The following FGD5 variants were observed in gnomAD, a reference collection of about 807,000 sequenced individuals.
The protein encoded by FGD5 is FYVE, RhoGEF and PH domain-containing protein 5.
FGD5 carries 28 observed loss-of-function variants against 133.4 expected under a neutral mutation model. The observed-to-expected ratio is 0.21, with a 90% CI of 0.16 to 0.29. The LOEUF (loss-of-function observed/expected upper bound fraction) is 0.29, where lower values mean the gene tolerates loss of function less well. Among genes scored for constraint, FGD5 ranks in the 10% least tolerant of loss-of-function variants. FGD5 has a pLI of 1.00. For synonymous variants in FGD5, 810 were observed against 776.5 expected (o/e 1.04, Z -0.72); for missense variants, 1,858 against 1,895.2 (o/e 0.98, Z 0.36).
Position 14,880,789 on chromosome 3 carries a change from A to C in FGD5, c.2748+17A>C. On this transcript the variant is annotated intron_variant, in intron 4 of 19. Coordinates refer to ENST00000285046, the MANE Select transcript of FGD5 (RefSeq NM_152536.4). ...TTAAATCTGGTGAGTTAATCATTTTAATTGTCCAAAACTAATTGCCCTTTT... is the reference window on the plus strand; with the variant it reads ...TTAAATCTGGTGAGTTAATCATTTTCATTGTCCAAAACTAATTGCCCTTTT... The C allele has an allele frequency of 4.3e-6, 7 of 1,612,658 alleles. No individual in the cohort carries two copies. The highest frequency in any genetic ancestry group is 5.1e-6 in the Non-Finnish European group (6 of 1,179,328).
chr3:14,815,083 T>G (rs1403491855), upstream of FGD5, among the ~76,000 whole-genome samples: 1 of 152,190 alleles, frequency 6.6e-6, no homozygotes, highest in Non-Finnish European at 1.5e-5. Context: ...TTTCAACACA[T>G]TAGCCAGAAT....
rs146805269 is a variant in FGD5, at chr3:14,896,493, G to A, written c.2749-1016G>A. On this transcript the variant is annotated intron_variant, in intron 4 of 19. Coordinates refer to ENST00000285046, the MANE Select transcript of FGD5 (RefSeq NM_152536.4). ...TAACTTTTTTTTTTTTTTTTGAGAC[G>A]GAGTTTTATTCTTCTTCCCCAGGGT... Among the ~76,000 whole-genome samples, 775 of 151,606 alleles carry A rather than the reference G, an allele frequency of 5.1e-3. 11 individuals are homozygous for A. The highest frequency in any genetic ancestry group is 0.017 in the African/African-American group (717 of 41,306).
intron 17 of FGD5, 147 bp downstream of exon 17, chr3:14,924,285 G>A (rs555176594): frequency 4.9e-6 from 6 of 1,234,730 alleles, no homozygotes; most frequent in East Asian, 2.4e-5. Context: ...TCCCAGCTAC[G>A]AGGACCGACT....
In FGD5 at chr3:14,819,414, G is replaced by A. The variant is rs2036435831; in HGVS notation, c.343G>A (p.Gly115Arg). ...CGAGGCATGTGGCCTGGAGGGTACA[G>A]GAGCTGGTGAGGATTCAGTGGCCCC... ...GGEACGLEGT[G>R]AGEDSVAPAA... The change falls in exon 1 of 20, where the codon GGA becomes AGA. Residue 115 changes from glycine to arginine, a missense_variant. This residue lies in a region of FGD5 where 1,824 missense variants were observed against 1,848.9 expected (regional missense o/e 0.99). Transcript: ENST00000285046. This position sits in a 1 kb window ranked among gnomAD's most constrained non-coding sequence, Gnocchi z 4.1. 1.3e-6 allele frequency: 2 copies of A among 1,550,152 alleles called. No individual in the cohort carries two copies. The highest frequency in any genetic ancestry group is 1.7e-6 in the Non-Finnish European group (2 of 1,146,298).
rs1559466148 is a variant in FGD5, at chr3:14,819,321, G to A, written c.250G>A (p.Val84Met). 6.5e-7 allele frequency: 1 copy of A among 1,540,048 alleles called. No individual in the cohort carries two copies. The highest frequency in any genetic ancestry group is 8.8e-7 in the Non-Finnish European group (1 of 1,141,290). ...GGATGAACCCAAGGACGAGGGCAGT[G>A]TGGGGAACAAAGCCCTGGTGTCTCC... ...REDEPKDEGS[V>M]GNKALVSPES... is the part of the protein sequence containing the mutation. The change falls in exon 1 of 20, where the codon GTG becomes ATG. Residue 84 changes from valine to methionine, a missense_variant. This residue lies in a region of FGD5 where 1,824 missense variants were observed against 1,848.9 expected (regional missense o/e 0.99). Transcript: ENST00000285046. The surrounding 1 kb of genome is among the most constrained non-coding windows in gnomAD (Gnocchi z 4.1).
chr3:14,897,420 A>G, intron 4 of FGD5, 89 bp from the exon 5 acceptor site: 1 of 1,465,538 alleles, frequency 6.8e-7, no homozygotes, highest in Non-Finnish European at 9.3e-7. Context: ...CACAGAGGCC[A>G]GGGCTCCAAA....
intron 18 of FGD5, among the ~76,000 whole-genome samples, chr3:14,929,464 C>T (rs527376279): frequency 3.3e-5 from 5 of 152,318 alleles, no homozygotes; most frequent in Admixed American, 6.5e-5. Flanking sequence ...CCCCCAACAA[C>T]GTGTGTGAAT....
At position 14,897,652 on chromosome 3, in the gene FGD5, G is replaced by A. The variant is rs1233201624; in HGVS notation, c.2892G>A (p.Glu964=). The part of the protein sequence containing the change: ...DLHQGILEEL[E]ERLSNWESQQ... ...ATCAAGGCATCCTGGAGGAGCTGGA[G>A]GAAAGGCTGTCAAATTGGTGAGCAG... is the stretch of plus-strand genomic sequence containing the variant. The change falls in exon 5 of 20, where the codon GAG becomes GAA. Residue 964 remains glutamate, a synonymous_variant. Transcript: ENST00000285046. The A allele has an allele frequency of 1.9e-6, 3 of 1,604,538 alleles. No homozygotes were observed. Among genetic ancestry groups the A allele is most frequent in the Non-Finnish European group, 2.6e-6 (3 of 1,175,648 alleles).
Position 14,845,361 on chromosome 3 carries a change from G to A in FGD5, c.2526-18767G>A, listed in dbSNP as rs532448514. ...ACTGAAGTTACTCACTTTGAGGTTG[G>A]AAGGGACCTTTAGTGATGGGGATGC... On this transcript the variant is annotated intron_variant, in intron 1 of 19. Transcript: ENST00000285046. 6.6e-5 allele frequency among the ~76,000 whole-genome samples: 10 copies of A among 152,328 alleles called. No individual in the cohort carries two copies. In the South Asian group the frequency reaches 1.9e-3, roughly 28 times the overall value.
chr3:14,897,467 A>G, intron 4 of FGD5, 42 bp from the exon 5 acceptor site: 2 of 1,579,342 alleles, frequency 1.3e-6, no homozygotes, highest in Admixed American at 3.7e-5. Context: ...ACTTGTGCTC[A>G]GTCCTATCAA....
At position 14,848,442 on chromosome 3, in the gene FGD5, C is replaced by T. The variant is rs543113647; in HGVS notation, c.2526-15686C>T. On this transcript the variant is annotated intron_variant, in intron 1 of 19. Coordinates refer to ENST00000285046, the MANE Select transcript of FGD5 (RefSeq NM_152536.4). ...TAGGTAACTTGCTGCAGCCTTAACA[C>T]CGCAGGGCTCACTGCCCTCATGGAG... 7.9e-5 allele frequency among the ~76,000 whole-genome samples: 12 copies of T among 152,192 alleles called. No individual in the cohort carries two copies. The South Asian group carries it at 2.3e-3, about 29-fold the overall frequency.
In FGD5 at chr3:14,885,869, T is replaced by C. The variant is rs186465932; in HGVS notation, c.2748+5097T>C. Reference sequence around the variant, plus strand: ...CAATGGGAGGAATATTGAGCTCACATTGTATAAAGACCATTGAGATAGGAG... The same window carrying C: ...CAATGGGAGGAATATTGAGCTCACACTGTATAAAGACCATTGAGATAGGAG... On this transcript the variant is annotated intron_variant, in intron 4 of 19. Transcript: ENST00000285046. 9.1e-4 allele frequency among the ~76,000 whole-genome samples: 139 copies of C among 152,310 alleles called. No individual in the cohort carries two copies. In the South Asian group the frequency reaches 0.01, roughly 11 times the overall value.
chr3:14,921,731 C>G (rs900461386), intron 13 of FGD5, among the ~76,000 whole-genome samples, 187 bp from the exon 14 acceptor site: 2 of 152,216 alleles, frequency 1.3e-5, no homozygotes, highest in African/African-American at 4.8e-5. Flanking sequence ...GACCCAAGGA[C>G]AGCTAATGGA....
At chr3:14,916,456 C>T (rs903063) in intron 11 of FGD5, among the ~76,000 whole-genome samples, 12,269 of 152,234 alleles carry the variant, frequency 0.081, 934 homozygotes, top group East Asian at 0.41. Context: ...TAATTGAGCA[C>T]CTACTCTGTG....
Position 14,918,760 on chromosome 3 carries a change from C to T in FGD5, c.3496C>T (p.Arg1166Cys), listed in dbSNP as rs367649195. 16 of 1,613,848 alleles carry T rather than the reference C, an allele frequency of 9.9e-6. No individual in the cohort carries two copies. Among genetic ancestry groups the T allele is most frequent in the Admixed American group, 3.3e-5 (2 of 59,988 alleles). The change falls in exon 13 of 20, where the codon CGC becomes TGC. Residue 1166 changes from arginine (R) to cysteine (C), a missense_variant. Arg to Cys is a radical substitution (Grantham distance 180, BLOSUM62 -3). Transcript: ENST00000285046. ...TLAVANMKVSRPVMEKVPYAL... is the reference protein window; with the variant it reads ...TLAVANMKVSCPVMEKVPYAL... ...GCTGCTGTTGGTTTTCCAGGTCAGC[C>T]GCCCTGTGATGGAGAAAGTGCCCTA...
chr3:14,905,671 G>A (rs796437228), intron 9 of FGD5, among the ~76,000 whole-genome samples: 2 of 151,968 alleles, frequency 1.3e-5, no homozygotes, highest in East Asian at 1.9e-4. Context: ...ATCTGCTTGC[G>A]GGTGGTGTTC....
At chr3:14,867,527 T>C (rs1397958004) in intron 2 of FGD5, among the ~76,000 whole-genome samples, 5 of 152,196 alleles carry the variant, frequency 3.3e-5, no homozygotes, top group African/African-American at 1.2e-4. Flanking sequence ...AGAGCAGGCA[T>C]ATTTTAAATC....
chr3:14,933,011 A>G, intron 19 of FGD5, 120 bp from the exon 20 acceptor site: 3 of 1,206,866 alleles, frequency 2.5e-6, no homozygotes, highest in Non-Finnish European at 3.6e-6. Flanking sequence ...AAATACAATT[A>G]CGACATGGTC....
At chr3:14,929,019 C>A (rs1256877951) in intron 18 of FGD5, among the ~76,000 whole-genome samples, 4 of 152,272 alleles carry the variant, frequency 2.6e-5, no homozygotes, top group Admixed American at 1.3e-4. Context: ...CTACAAATTG[C>A]CACTATCATC....
Sources: gnomAD v4.1 joint callset for allele counts (sites outside exome capture counted in the v4.1 genomes callset) on GRCh38, gnomAD v4.1.1 for gene constraint, gnomAD v4.1.1 regional missense constraint, Gnocchi (gnomAD v3.1) non-coding constraint, MANE v1.5 for transcripts, NCBI Gene and HGNC (gene_info 2026-07-23, HGNC 2026-07-21) for gene names.